N4BP2: variants seen among roughly 807,000 people sequenced by gnomAD.
N4BP2 encodes the protein NEDD4-binding protein 2.
A neutral mutation model predicts 152.8 loss-of-function variants in N4BP2; 91 were observed. The observed-to-expected ratio is 0.60, with a 90% CI of 0.50 to 0.71. The LOEUF is 0.71. Ranked by LOEUF, N4BP2 falls within the 30% of genes least tolerant of loss-of-function variation. The pLI, the probability that N4BP2 is intolerant of heterozygous loss-of-function variation, is 0.00. For missense variants in N4BP2, 1,923 were observed against 2,059.1 expected (o/e 0.93, Z 1.28); for synonymous variants, 646 against 705.3 (o/e 0.92, Z 1.33).
At chr4:40,080,737 A>G (rs1713275405) in intron 2 of N4BP2, among the ~76,000 whole-genome samples, 2 of 151,442 alleles carry the variant, frequency 1.3e-5, no homozygotes, top group South Asian at 4.2e-4. Flanking sequence ...GGCTCACTGC[A>G]AGCTCCGCCT....
intron 5 of N4BP2, among the ~76,000 whole-genome samples, chr4:40,111,409 A>G (rs113424716): frequency 0.29 from 44,603 of 151,488 alleles, 6,834 homozygotes; most frequent in South Asian, 0.48. Flanking sequence ...CAACCTCCGC[A>G]TACCGGGTTC....
chr4:40,084,907 G>A (rs1215615110), intron 2 of N4BP2, among the ~76,000 whole-genome samples: 6 of 141,248 alleles, frequency 4.2e-5, no homozygotes, highest in East Asian at 4.1e-4. Context: ...GAGCCACAGC[G>A]CCTGGCTTTT....
Position 40,056,901 on chromosome 4 carries a change from C to T in N4BP2, c.-341C>T, listed in dbSNP as rs572741950. 6.6e-6 allele frequency: 1 copy of T among 152,150 alleles called. No homozygotes were observed. Among genetic ancestry groups the T allele is most frequent in the South Asian group, 2.1e-4 (1 of 4,828 alleles). The allele number at this position is 152,150 out of a possible 1,614,324, so 9.4% of individuals were successfully genotyped here. A position where few individuals can be genotyped will look rare whatever the true frequency, so the allele number is the denominator to read the frequency against. ...CGTGTCTCCCCCGCGGCCGCAGCTG[C>T]TTGCTAGCCTTGCGCGGCGCGGGAG... On this transcript the variant is annotated 5_prime_UTR_variant, in exon 1 of 18. Transcript: ENST00000261435.
Position 40,097,281 on chromosome 4 carries a change from G to T in N4BP2, c.-60G>T. The T allele has an allele frequency of 2.1e-6, 3 of 1,417,990 alleles. No homozygotes were observed. The South Asian group carries it at 3.6e-5, about 17-fold the overall frequency. 87.8% of individuals were successfully genotyped at this position (1,417,990 alleles called of 1,614,324 possible). On this transcript the variant is annotated 5_prime_UTR_variant, in exon 3 of 18. It removes an upstream start codon present in the reference 5' UTR. Coordinates refer to ENST00000261435, the MANE Select transcript of N4BP2 (RefSeq NM_018177.6). ...TTTAACCCTATTTTGTTTGAATTAT[G>T]ACTTAAATGTCAAACATCTTAACTA... is the stretch of plus-strand genomic sequence containing the variant.
At chr4:40,149,964 T>G (rs896962183) in intron 16 of N4BP2, among the ~76,000 whole-genome samples, 1 of 152,048 alleles carries the variant, frequency 6.6e-6, no homozygotes, top group Non-Finnish European at 1.5e-5. Context: ...AGGTAATACT[T>G]GGTCAAGATC....
chr4:40,159,884 T>G (rs902948719), downstream of N4BP2, among the ~76,000 whole-genome samples: 6 of 152,148 alleles, frequency 3.9e-5, no homozygotes, highest in Admixed American at 6.5e-5. Context: ...TGTTGTTGTT[T>G]TTTTTTTGAG....
intron 17 of N4BP2, among the ~76,000 whole-genome samples, chr4:40,153,281 A>G (rs139900341): frequency 1.3e-5 from 2 of 152,338 alleles, no homozygotes; most frequent in East Asian, 3.9e-4. Context: ...ATTAGGTAAT[A>G]TGTATCATAC....
chr4:40,078,044 T>C (rs1376485326), intron 2 of N4BP2: 2 of 151,944 alleles, frequency 1.3e-5, no homozygotes, highest in Non-Finnish European at 2.9e-5. Context: ...TTAGAGAAAA[T>C]ACTTAAAAAA....
chr4:40,107,136 G>A (rs966422286), intron 5 of N4BP2, 112 bp downstream of exon 5: 1 of 1,075,462 alleles, frequency 9.3e-7, no homozygotes, highest in African/African-American at 1.6e-5. Flanking sequence ...GTCTCGCTGT[G>A]TTGCACAGGC....
chr4:40,141,510 C>A (rs1356654471), intron 14 of N4BP2, among the ~76,000 whole-genome samples: 2 of 151,542 alleles, frequency 1.3e-5, no homozygotes, highest in Non-Finnish European at 2.9e-5. Flanking sequence ...AGAGGCGCTC[C>A]TCACTTCCTA....
chr4:40,107,253 T>G (rs1716395615), intron 5 of N4BP2, among the ~76,000 whole-genome samples: 1 of 152,108 alleles, frequency 6.6e-6, no homozygotes, highest in South Asian at 2.1e-4. Context: ...TGTGCCACCA[T>G]GCCTGGCTAA....
chr4:40,109,535 T>C (rs1246122813), intron 5 of N4BP2, among the ~76,000 whole-genome samples: 10 of 152,088 alleles, frequency 6.6e-5, no homozygotes, highest in Non-Finnish European at 1.5e-5. Context: ...CTGGCTAACA[T>C]GGCGTTACCC....
intron 15 of N4BP2, among the ~76,000 whole-genome samples, chr4:40,143,383 C>T (rs138586271): frequency 7.6e-4 from 116 of 152,072 alleles, no homozygotes; most frequent in African/African-American, 2.4e-3. Flanking sequence ...GTGCAATCTC[C>T]GCTAACTGCA....
intron 2 of N4BP2, among the ~76,000 whole-genome samples, chr4:40,090,515 T>C (rs1714418991): frequency 6.6e-6 from 1 of 152,234 alleles, no homozygotes; most frequent in Admixed American, 6.5e-5. Context: ...CAATAGGTTC[T>C]CGGAAACTGT....
At chr4:40,064,172 G>C (rs561116359) in intron 1 of N4BP2, among the ~76,000 whole-genome samples, 1 of 152,298 alleles carries the variant, frequency 6.6e-6, no homozygotes, top group Admixed American at 6.5e-5. Flanking sequence ...GTAAAGAGAT[G>C]CCCTGTACTA....
intron 1 of N4BP2, among the ~76,000 whole-genome samples, chr4:40,060,030 C>T (rs1733533165): frequency 6.6e-6 from 1 of 151,696 alleles, no homozygotes; most frequent in Non-Finnish European, 1.5e-5. Flanking sequence ...GACAGGGTCT[C>T]ACTATGTTGC....
intron 2 of N4BP2, among the ~76,000 whole-genome samples, chr4:40,092,794 C>A (rs1258052868): frequency 6.6e-6 from 1 of 151,922 alleles, no homozygotes; most frequent in African/African-American, 2.4e-5. Context: ...CTGGCGTGCA[C>A]CACCATGCCC....
intron 16 of N4BP2, 106 bp downstream of exon 16, chr4:40,144,906 G>A (rs1207480790): frequency 1.2e-6 from 1 of 804,546 alleles, no homozygotes; most frequent in Admixed American, 3.0e-5. Context: ...GAGAATATCT[G>A]TGTAACATCT....
intron 2 of N4BP2, among the ~76,000 whole-genome samples, chr4:40,084,771 A>G (rs895546191): frequency 6.6e-6 from 1 of 150,912 alleles, no homozygotes; most frequent in African/African-American, 2.4e-5. Context: ...CTGGGCCACC[A>G]TGCCCAGCTA....
Sources: gnomAD v4.1 joint callset for allele counts (sites outside exome capture counted in the v4.1 genomes callset) on GRCh38, gnomAD v4.1.1 for gene constraint, MANE v1.5 for transcripts, NCBI Gene and HGNC (gene_info 2026-07-23, HGNC 2026-07-21) for gene names.